The following PCDH19 variants were observed in gnomAD, a reference collection of about 807,000 sequenced individuals.
PCDH19 encodes the protein protocadherin 19.
In PCDH19, 6 loss-of-function variants were observed where a neutral mutation model predicts 46.2. That is an observed-to-expected ratio of 0.13 (90% CI 0.07 to 0.26). PCDH19 has a LOEUF of 0.26. Ranked by LOEUF, PCDH19 falls within the 10% of genes least tolerant of loss-of-function variation. The pLI, the probability that PCDH19 is intolerant of heterozygous loss-of-function variation, is 1.00. For synonymous variants in PCDH19, 481 were observed against 415.7 expected (o/e 1.16, Z -1.91); for missense variants, 740 against 972.3 (o/e 0.76, Z 3.18).
chrX:100,336,297 T>C (rs1926085438), intron 5 of PCDH19, among the ~76,000 whole-genome samples: 1 of 111,960 alleles, frequency 8.9e-6, no homozygotes, highest in South Asian at 3.7e-4. Context: ...GATAAGAAGA[T>C]AAAAGAAGGA....
At chrX:100,303,060 T>A (rs892050415) in intron 5 of PCDH19, among the ~76,000 whole-genome samples, 3 of 111,585 alleles carry the variant, frequency 2.7e-5, no homozygotes, top group African/African-American at 6.5e-5. Flanking sequence ...AAACATTAAG[T>A]GTCCTCTTAG....
intron 3 of PCDH19, among the ~76,000 whole-genome samples, chrX:100,360,506 A>G (rs1317480458): frequency 1.8e-5 from 2 of 112,502 alleles, no homozygotes; most frequent in East Asian, 5.5e-4. Flanking sequence ...GTCTCAGTAC[A>G]CTGAAATGAG....
chrX:100,291,960 T>C lies in PCDH19; in HGVS notation c.*4317A>G, dbSNP rs1924437177. The C allele has an allele frequency of 8.8e-6, 1 of 113,453 alleles. No individual in the cohort carries two copies. The highest frequency in any genetic ancestry group is 1.9e-5 in the Non-Finnish European group (1 of 53,448). The allele number at this position is 113,453 out of a possible 1,213,427, so 9.3% of individuals were successfully genotyped here. ...ACAGAGACTGCTTAATGAGACATACTGTACTTGCATCCCTCTAAATTTCCA... is the reference window on the plus strand; with the variant it reads ...ACAGAGACTGCTTAATGAGACATACCGTACTTGCATCCCTCTAAATTTCCA... On this transcript the variant is annotated 3_prime_UTR_variant, in exon 6 of 6. Coordinates refer to ENST00000373034, the MANE Select transcript of PCDH19 (RefSeq NM_001184880.2).
chrX:100,338,321 G>A (rs1926152669), intron 5 of PCDH19, among the ~76,000 whole-genome samples: 2 of 87,850 alleles, frequency 2.3e-5, no homozygotes, highest in African/African-American at 4.4e-5. Context: ...CAGCCTGGGC[G>A]ACAGAGCGAG....
intron 3 of PCDH19, among the ~76,000 whole-genome samples, chrX:100,387,996 C>A (rs1385726153): frequency 1.8e-5 from 2 of 111,211 alleles, no homozygotes. Context: ...ATACCTACTG[C>A]ATAGTATTAC....
intron 3 of PCDH19, among the ~76,000 whole-genome samples, chrX:100,390,875 T>C (rs1256854906): frequency 1.8e-5 from 2 of 111,731 alleles, no homozygotes; most frequent in Non-Finnish European, 3.8e-5. Flanking sequence ...AGCAGAGGCA[T>C]GGTGGACTGC....
chrX:100,321,298 C>A lies in PCDH19; in HGVS notation c.2848+20605G>T, dbSNP rs539214969. On this transcript the variant is annotated intron_variant, in intron 5 of 5. Coordinates refer to ENST00000373034, the MANE Select transcript of PCDH19 (RefSeq NM_001184880.2). ...AGATAGCTACCCAGTAGTGGGACTG[C>A]TGGATCAAATGGTAGTTCTACCTTT... 5.8e-4 allele frequency among the ~76,000 whole-genome samples: 65 copies of A among 111,966 alleles called. 1 individual carries two copies. The South Asian group carries it at 0.024, about 42-fold the overall frequency.
At chrX:100,401,827 C>T (rs754860299) in intron 3 of PCDH19, among the ~76,000 whole-genome samples, 1 of 110,424 alleles carries the variant, frequency 9.1e-6, no homozygotes, top group East Asian at 2.8e-4. Context: ...GAATTCCAGG[C>T]TCAACCGATT....
In PCDH19 at chrX:100,295,083, T is replaced by C. The variant is rs1309177354; in HGVS notation, c.*1194A>G. Reference sequence around the variant, plus strand: ...TCCAAAATATACACTTTGTACTGCTTACTCTATCCCTACGTATATAAGCCT... The same window carrying C: ...TCCAAAATATACACTTTGTACTGCTCACTCTATCCCTACGTATATAAGCCT... On this transcript the variant is annotated 3_prime_UTR_variant, in exon 6 of 6. Transcript: ENST00000373034. 1 of 112,323 alleles carries C rather than the reference T, an allele frequency of 8.9e-6. No individual in the cohort carries two copies. Among genetic ancestry groups the C allele is most frequent in the African/African-American group, 3.2e-5 (1 of 30,900 alleles). 9.3% of individuals were successfully genotyped at this position (112,323 alleles called of 1,213,427 possible). A position where few individuals can be genotyped will look rare whatever the true frequency, so the allele number is the denominator to read the frequency against.
At chrX:100,399,711 T>C (rs1264448509) in intron 3 of PCDH19, among the ~76,000 whole-genome samples, 1 of 111,776 alleles carries the variant, frequency 8.9e-6, no homozygotes, top group Non-Finnish European at 1.9e-5. Context: ...GGTTTGCCAG[T>C]TGAACTCTCC....
In PCDH19 at chrX:100,296,518, A is replaced by G. The variant is rs1314046502; in HGVS notation, c.3206T>C (p.Leu1069Pro). The change falls in exon 6 of 6, where the codon CTC becomes CCC. Residue 1069 changes from leucine (L) to proline (P), a missense_variant. By Grantham distance (98) the Leu-to-Pro change is moderately conservative (BLOSUM62 -3). This residue lies in a region of PCDH19 where 416 missense variants were observed against 476.8 expected (regional missense o/e 0.87). Coordinates refer to ENST00000373034, the MANE Select transcript of PCDH19 (RefSeq NM_001184880.2). Reference sequence around the variant, plus strand: ...GGTGGGCAGAGAGCTCTTGAGGTGGAGGGGGGAGGTGACAGGGCTAATCGC... The same window carrying G: ...GGTGGGCAGAGAGCTCTTGAGGTGGGGGGGGGAGGTGACAGGGCTAATCGC... Reference protein sequence around the residue: ...CEAISPVTSPLHLKSSLPTKP... With the variant: ...CEAISPVTSPPHLKSSLPTKP... The G allele has an allele frequency of 2.5e-6, 3 of 1,208,693 alleles. No homozygotes were observed. Among genetic ancestry groups the G allele is most frequent in the Non-Finnish European group, 3.4e-6 (3 of 894,631 alleles).
intron 3 of PCDH19, among the ~76,000 whole-genome samples, chrX:100,387,940 C>T (rs1927758660): frequency 9.0e-6 from 1 of 111,346 alleles, no homozygotes; most frequent in Admixed American, 9.5e-5. Context: ...TGCCCCTCCT[C>T]GGAATAACTC....
In PCDH19 at chrX:100,409,745, G is replaced by A. The variant is rs918066876; in HGVS notation, c.-1148C>T. ...CGCCGCCGCCGCCGCCGCCGCGGGA[G>A]GAAGCCCTCCTAGCTCAGTTGCACG... On this transcript the variant is annotated 5_prime_UTR_variant, in exon 1 of 6. Transcript: ENST00000373034. The A allele has an allele frequency of 8.5e-4, 229 of 269,380 alleles. No individual in the cohort carries two copies. Among genetic ancestry groups the A allele is most frequent in the Non-Finnish European group, 1.2e-3 (190 of 152,081 alleles). 22.2% of individuals were successfully genotyped at this position (269,380 alleles called of 1,213,427 possible).
At chrX:100,372,864 G>A (rs1234295497) in intron 3 of PCDH19, among the ~76,000 whole-genome samples, 2 of 112,298 alleles carry the variant, frequency 1.8e-5, no homozygotes, top group Non-Finnish European at 3.8e-5. Context: ...TTATTTACCT[G>A]TAAAGCTAGG....
Position 100,341,774 on chromosome X carries a change from T to C in PCDH19, c.2848+129A>G, listed in dbSNP as rs150427542. The C allele has an allele frequency of 4.6e-5, 27 of 581,935 alleles. 1 individual carries two copies. In the African/African-American group the frequency reaches 5.8e-4, roughly 13 times the overall value. 48.0% of individuals were successfully genotyped at this position (581,935 alleles called of 1,213,427 possible). Reference sequence around the variant, plus strand: ...TCAGGACATCTCAAAAACCTGTAGATGCTGCTGAGGTGTGAGCTCTGTAGA... The same window carrying C: ...TCAGGACATCTCAAAAACCTGTAGACGCTGCTGAGGTGTGAGCTCTGTAGA... On this transcript the variant is annotated intron_variant, in intron 5 of 5. Transcript: ENST00000373034.
chrX:100,302,007 A>G (rs970589028), intron 5 of PCDH19, among the ~76,000 whole-genome samples: 4 of 111,711 alleles, frequency 3.6e-5, no homozygotes, highest in African/African-American at 1.3e-4. Flanking sequence ...GGGAGAGCTG[A>G]CTTAGGTAAG....
intron 5 of PCDH19, among the ~76,000 whole-genome samples, chrX:100,338,196 G>A (rs1372748568): frequency 9.2e-6 from 1 of 109,271 alleles, no homozygotes; most frequent in African/African-American, 3.3e-5. Context: ...CAAAAAATTA[G>A]CGGGGCGTAG....
chrX:100,371,879 CA>C (rs1569304837), intron 3 of PCDH19, among the ~76,000 whole-genome samples: 8 of 99,564 alleles, frequency 8.0e-5, no homozygotes, highest in East Asian at 2.9e-4. Flanking sequence ...CACACACACA[CA>C]CACCCACACA....
chrX:100,321,931 A>G (rs1925501954), intron 5 of PCDH19, among the ~76,000 whole-genome samples: 2 of 107,171 alleles, frequency 1.9e-5, no homozygotes, highest in Non-Finnish European at 3.8e-5. Flanking sequence ...CTGGGACTAC[A>G]GGCGCCCGCC....
Sources: gnomAD v4.1 joint callset for allele counts (sites outside exome capture counted in the v4.1 genomes callset) on GRCh38, gnomAD v4.1.1 for gene constraint, gnomAD v4.1.1 regional missense constraint, MANE v1.5 for transcripts, NCBI Gene and HGNC (gene_info 2026-07-23, HGNC 2026-07-21) for gene names.